PAPPA2: variants seen among roughly 807,000 people sequenced by gnomAD.
The protein encoded by PAPPA2 is pappalysin 2, also known as pappalysin-2.
PAPPA2 carries 86 observed loss-of-function variants against 176.4 expected under a neutral mutation model. The ratio of observed to expected loss-of-function variants is 0.49; its 90% confidence interval spans 0.41 to 0.58. The LOEUF is 0.58. PAPPA2 is among the 20% of genes least tolerant of loss of function. The pLI is 0.00. For synonymous variants in PAPPA2, 809 were observed against 852.2 expected, an observed-to-expected ratio of 0.95 and a Z score of 0.88; for missense variants, 2,073 against 2,256.9, an observed-to-expected ratio of 0.92 and a Z score of 1.65.
At chr1:176,672,666 G>A (rs777501131) in intron 4 of PAPPA2, among the ~76,000 whole-genome samples, 10 of 151,996 alleles carry the variant, frequency 6.6e-5, no homozygotes, top group Non-Finnish European at 1.3e-4. Flanking sequence ...AGATCCAAAA[G>A]GGTTATATAT....
At chr1:176,829,862 G>A (rs1354863049) in intron 21 of PAPPA2, among the ~76,000 whole-genome samples, 1 of 152,230 alleles carries the variant, frequency 6.6e-6, no homozygotes, top group Non-Finnish European at 1.5e-5. Flanking sequence ...ACCAGAGAAA[G>A]GCACTGGAAG....
intron 1 of PAPPA2, among the ~76,000 whole-genome samples, chr1:176,503,853 A>G (rs1648100922): frequency 6.6e-6 from 1 of 152,174 alleles, no homozygotes; most frequent in African/African-American, 2.4e-5. Flanking sequence ...TTGTGGGAGA[A>G]GAACATAGCA....
At chr1:176,644,560 A>G (rs1297087575) in intron 3 of PAPPA2, among the ~76,000 whole-genome samples, 1 of 151,824 alleles carries the variant, frequency 6.6e-6, no homozygotes, top group Non-Finnish European at 1.5e-5. Context: ...CTCAATGTTG[A>G]GAAACATGTA....
intron 3 of PAPPA2, among the ~76,000 whole-genome samples, chr1:176,648,454 G>A (rs1425043092): frequency 2.0e-5 from 3 of 151,500 alleles, no homozygotes; most frequent in Non-Finnish European, 3.0e-5. Flanking sequence ...GTTCTGGCCA[G>A]TACTTTCAGT....
chr1:176,841,593 C>A (rs1216438815), intron 22 of PAPPA2, among the ~76,000 whole-genome samples: 1 of 152,020 alleles, frequency 6.6e-6, no homozygotes, highest in African/African-American at 2.4e-5. Flanking sequence ...CTCCCAAATA[C>A]CTGATTTTTT....
intron 1 of PAPPA2, among the ~76,000 whole-genome samples, chr1:176,478,741 C>T (rs1337920721): frequency 6.6e-6 from 1 of 152,226 alleles, no homozygotes; most frequent in Non-Finnish European, 1.5e-5. Context: ...CAGTTCATTG[C>T]TCTTGAGTTC....
At chr1:176,608,659 G>T (rs1349253904) in intron 3 of PAPPA2, among the ~76,000 whole-genome samples, 3 of 152,140 alleles carry the variant, frequency 2.0e-5, no homozygotes, top group Non-Finnish European at 4.4e-5. Context: ...TTTATGTGAG[G>T]CTCTCTTATC....
chr1:176,510,842 CACACACAT>C (rs1050500708), intron 1 of PAPPA2, among the ~76,000 whole-genome samples: 6 of 150,948 alleles, frequency 4.0e-5, no homozygotes, highest in African/African-American at 1.5e-4. Flanking sequence ...CACACACACA[CACACACAT>C]ACCCCAAAAA....
intron 3 of PAPPA2, among the ~76,000 whole-genome samples, chr1:176,642,150 T>C (rs1344438736): frequency 6.6e-6 from 1 of 151,842 alleles, no homozygotes; most frequent in African/African-American, 2.4e-5. Flanking sequence ...CTCTGAAAGG[T>C]ATGGATAAGT....
chr1:176,619,992 A>G (rs942065347), intron 3 of PAPPA2, among the ~76,000 whole-genome samples: 1 of 152,220 alleles, frequency 6.6e-6, no homozygotes, highest in East Asian at 1.9e-4. Flanking sequence ...ATGACAAGCT[A>G]TCATAATATA....
intron 1 of PAPPA2, among the ~76,000 whole-genome samples, chr1:176,541,748 T>C (rs1650377640): frequency 6.6e-6 from 1 of 152,182 alleles, no homozygotes; most frequent in African/African-American, 2.4e-5. Flanking sequence ...GCAGCTACCA[T>C]GTTATTGAAG....
chr1:176,710,095 A>G lies in PAPPA2; in HGVS notation c.3570A>G (p.Gln1190=), dbSNP rs1482188836. 1 of 1,613,936 alleles carries G rather than the reference A, an allele frequency of 6.2e-7. No homozygotes were observed. The highest frequency in any genetic ancestry group is 8.5e-7 in the Non-Finnish European group (1 of 1,179,850). Residue 1190 remains glutamine (Q), a synonymous_variant, in exon 11 of 23, where the codon CAA becomes CAG. Transcript: ENST00000367662. ...ACACTCCCAAAGGATACTTGGATCA[A>G]TGGGCTACCCGGGCTTACTCCTCTC... The part of the protein sequence containing the change: ...GIYTPKGYLD[Q]WATRAYSSHE...
intron 21 of PAPPA2, among the ~76,000 whole-genome samples, chr1:176,835,117 C>A (rs536087689): frequency 6.6e-6 from 1 of 152,148 alleles, no homozygotes; most frequent in Non-Finnish European, 1.5e-5. Flanking sequence ...ACTTAAGTTA[C>A]CCTTCTTTCT....
chr1:176,739,519 CTT>C lies in PAPPA2; in HGVS notation c.3799-106_3799-105del. 3 of 1,259,408 alleles carry C rather than the reference CTT, an allele frequency of 2.4e-6. No homozygotes were observed. In the South Asian group the frequency reaches 5.3e-5, roughly 22 times the overall value. 78.0% of individuals were successfully genotyped at this position (1,259,408 alleles called of 1,614,324 possible). A position where few individuals can be genotyped will look rare whatever the true frequency, so the allele number is the denominator to read the frequency against. On this transcript the variant is annotated intron_variant, in intron 12 of 22. Coordinates refer to ENST00000367662, the MANE Select transcript of PAPPA2 (RefSeq NM_020318.3). ...AGCATTTATAAAAAAAATGGAAGCT[CTT>C]ACTTTATAAATAGTGAGCTCTCTAA...
At chr1:176,676,731 TACAC>T (rs35103046) in intron 4 of PAPPA2, among the ~76,000 whole-genome samples, 37,693 of 149,122 alleles carry the variant, frequency 0.25, 4,768 homozygotes, top group South Asian at 0.34. Context: ...TGCATACAAC[TACAC>T]ACACACACAC....
intron 3 of PAPPA2, among the ~76,000 whole-genome samples, chr1:176,596,461 C>CTTGTCATTG (rs1653992660): frequency 4.6e-5 from 7 of 152,210 alleles, no homozygotes. Context: ...GGTGGGCTCT[C>CTTGTCATTG]TCTTGTCATT....
chr1:176,493,940 A>C (rs959237285), intron 1 of PAPPA2, among the ~76,000 whole-genome samples: 1 of 152,242 alleles, frequency 6.6e-6, no homozygotes, highest in Non-Finnish European at 1.5e-5. Flanking sequence ...GGCCTGGCTC[A>C]ATATTGCTGT....
At chr1:176,675,361 C>T (rs1444496102) in intron 4 of PAPPA2, among the ~76,000 whole-genome samples, 2 of 151,812 alleles carry the variant, frequency 1.3e-5, no homozygotes, top group African/African-American at 4.8e-5. Flanking sequence ...AAAAATTATC[C>T]AGGTATTGGC....
chr1:176,840,170 C>T lies in PAPPA2; in HGVS notation c.5203-3C>T. On this transcript the variant is annotated splice_polypyrimidine_tract_variant and splice_region_variant and intron_variant, in intron 21 of 22. Transcript: ENST00000367662. ...GAGATGTTGCCTTCTAACCTCCCTA[C>T]AGCCCTTCCAAGCAGATGGTTGGTG... 6.2e-7 allele frequency: 1 copy of T among 1,611,704 alleles called. No homozygotes were observed. Among genetic ancestry groups the T allele is most frequent in the South Asian group, 1.1e-5 (1 of 90,984 alleles).
Sources: allele counts gnomAD v4.1 joint callset (sites outside exome capture counted in the v4.1 genomes callset), GRCh38; gene constraint gnomAD v4.1.1; transcripts MANE v1.5; gene names NCBI Gene and HGNC (gene_info 2026-07-23, HGNC 2026-07-21).